Variants in RABL3 observed in about 807,000 individuals in gnomAD.
RABL3 encodes the protein rab-like protein 3.
A neutral mutation model predicts 31.8 loss-of-function variants in RABL3; 31 were observed. The ratio of observed to expected loss-of-function variants is 0.97; its 90% CI spans 0.73 to 1.31. The LOEUF is 1.31. RABL3 is among the 40% of genes most tolerant of loss of function. The pLI, the probability that RABL3 is intolerant of heterozygous loss-of-function variation, is 0.00. For synonymous variants in RABL3, 97 were observed against 99.9 expected, an observed-to-expected ratio of 0.97 and a Z score of 0.18; for missense variants, 263 against 279.6, an observed-to-expected ratio of 0.94 and a Z score of 0.42.
rs539439785 is a variant in RABL3, at chr3:120,689,570, C to T, written c.*253G>A. 2.9e-6 allele frequency: 1 copy of T among 345,802 alleles called. No homozygotes were observed. The highest frequency in any genetic ancestry group is 2.1e-5 in the African/African-American group (1 of 47,998). 21.4% of individuals were successfully genotyped at this position (345,802 alleles called of 1,614,324 possible). A position where few individuals can be genotyped will look rare whatever the true frequency, so the allele number is the denominator to read the frequency against. ...CTCATTTACTGCATCATTTTGACAA[C>T]ATCTCATATTTACACAAGGCTTTTA... On this transcript the variant is annotated 3_prime_UTR_variant, in exon 8 of 8. Coordinates refer to ENST00000273375, the MANE Select transcript of RABL3 (RefSeq NM_173825.5).
chr3:120,688,494 A>G lies in RABL3; in HGVS notation c.*1329T>C, dbSNP rs1464983695. On this transcript the variant is annotated 3_prime_UTR_variant, in exon 8 of 8. Transcript: ENST00000273375. ...TCTTATTTTAATATCCTCTTGCAGCATACCTTGATTTCCAAGATACTTCTG... is the reference window on the plus strand; with the variant it reads ...TCTTATTTTAATATCCTCTTGCAGCGTACCTTGATTTCCAAGATACTTCTG... 3.9e-5 allele frequency: 6 copies of G among 152,290 alleles called. No homozygotes were observed. Among genetic ancestry groups the G allele is most frequent in the Admixed American group, 3.9e-4 (6 of 15,282 alleles). The allele number at this position is 152,290 out of a possible 1,614,324, so 9.4% of individuals were successfully genotyped here.
chr3:120,740,827 C>T (rs1709032336), intron 1 of RABL3, among the ~76,000 whole-genome samples: 1 of 152,228 alleles, frequency 6.6e-6, no homozygotes, highest in Non-Finnish European at 1.5e-5. Context: ...TCCTGGCCAT[C>T]ACAGCTGTGT....
rs1708348753 is a variant in RABL3, at chr3:120,689,050, T to C, written c.*773A>G. On this transcript the variant is annotated 3_prime_UTR_variant, in exon 8 of 8. Transcript: ENST00000273375. ...TCTCTCACTGCCCTTGTGCAGGTCT[T>C]AGATTTTACCCTACCTATTTCCAAA... The C allele has an allele frequency of 6.6e-6, 1 of 152,184 alleles. No individual in the cohort carries two copies. Among genetic ancestry groups the C allele is most frequent in the African/African-American group, 2.4e-5 (1 of 41,436 alleles). The allele number at this position is 152,184 out of a possible 1,614,324, so 9.4% of individuals were successfully genotyped here. A position where few individuals can be genotyped will look rare whatever the true frequency, so the allele number is the denominator to read the frequency against.
chr3:120,702,025 A>T (rs1233688479), intron 4 of RABL3, among the ~76,000 whole-genome samples: 2 of 152,218 alleles, frequency 1.3e-5, no homozygotes, highest in African/African-American at 4.8e-5. Context: ...AAAACCCAAA[A>T]GTGTGAACAG....
In RABL3 at chr3:120,723,874, T is replaced by C. The variant is rs1708781976; in HGVS notation, c.138+6822A>G. ...ATGGGCAAAAACTGGAAGCATTCCC[T>C]TTGAAAACTGGCACAAGACAGGGAT... On this transcript the variant is annotated intron_variant, in intron 2 of 7. Coordinates refer to ENST00000273375, the MANE Select transcript of RABL3 (RefSeq NM_173825.5). Among the ~76,000 whole-genome samples the C allele has an allele frequency of 2.0e-5, 3 of 151,992 alleles. No individual in the cohort carries two copies. In the South Asian group the frequency reaches 6.2e-4, roughly 32 times the overall value.
At position 120,730,762 on chromosome 3, in the gene RABL3, A is replaced by G. The variant is rs1230096230; in HGVS notation, c.72T>C (p.His24=). ...DSGVGKSSLV[H]LLCQNQVLGN... The stretch of plus-strand genomic sequence containing the variant: ...CCAGCACTTGATTTTGGCATAGGAG[A>G]TGGACTAACGAAGATTTCCCAACAC... Residue 24 remains histidine (H), a synonymous_variant, in exon 2 of 8, where the codon CAT becomes CAC. Coordinates refer to ENST00000273375, the MANE Select transcript of RABL3 (RefSeq NM_173825.5). 6.2e-7 allele frequency: 1 copy of G among 1,613,578 alleles called. No homozygotes were observed. The highest frequency in any genetic ancestry group is 1.3e-5 in the African/African-American group (1 of 74,918).
chr3:120,735,354 G>C (rs1708944722), intron 1 of RABL3, among the ~76,000 whole-genome samples: 1 of 152,160 alleles, frequency 6.6e-6, no homozygotes, highest in Admixed American at 6.5e-5. Flanking sequence ...AGTATTCTCT[G>C]ATGGTAGTTT....
intron 1 of RABL3, 39 bp from the exon 2 acceptor site, chr3:120,730,826 A>T: frequency 7.3e-7 from 1 of 1,365,802 alleles, no homozygotes; most frequent in Non-Finnish European, 1.0e-6. Flanking sequence ...ATAAGAGACA[A>T]GGCTGAAATC....
intron 4 of RABL3, among the ~76,000 whole-genome samples, chr3:120,701,041 C>G (rs771049825): frequency 1.3e-5 from 2 of 152,038 alleles, no homozygotes; most frequent in African/African-American, 2.4e-5. Flanking sequence ...CCCCTGGCCC[C>G]CTATAGGTTA....
Position 120,698,533 on chromosome 3 carries a change from GTGGTATT to G in RABL3, c.417_423del (p.Gln139HisfsTer4). ...TCCAGTTTAGTCCCTATTACCAACA[GTGGTATT>G]TGGTTATCAGCAAACTGTTCTTGAT... On this transcript the variant is annotated frameshift_variant, in exon 5 of 8. Transcript: ENST00000273375. LOFTEE classifies it high-confidence loss of function. 1.2e-6 allele frequency: 2 copies of G among 1,612,808 alleles called. No homozygotes were observed. Among genetic ancestry groups the G allele is most frequent in the South Asian group, 2.2e-5 (2 of 90,964 alleles).
At chr3:120,726,114 C>T (rs980752859) in intron 2 of RABL3, among the ~76,000 whole-genome samples, 3 of 152,072 alleles carry the variant, frequency 2.0e-5, no homozygotes, top group African/African-American at 7.2e-5. Flanking sequence ...CCATGTCTGG[C>T]CTACTCAACA....
chr3:120,741,442 C>A (rs1408840512), intron 1 of RABL3, among the ~76,000 whole-genome samples: 1 of 152,216 alleles, frequency 6.6e-6, no homozygotes, highest in Non-Finnish European at 1.5e-5. Context: ...AGCCTCTCCA[C>A]CTCCAAGCAT....
At chr3:120,696,112 TACAATAAGCCTA>T (rs1708432820) in intron 5 of RABL3, among the ~76,000 whole-genome samples, 1 of 152,196 alleles carries the variant, frequency 6.6e-6, no homozygotes, top group Non-Finnish European at 1.5e-5. Flanking sequence ...TTTTACAGGG[TACAATAAGCCTA>T]ACAGGATTTT....
At chr3:120,731,182 T>A (rs753232614) in intron 1 of RABL3, among the ~76,000 whole-genome samples, 20 of 152,208 alleles carry the variant, frequency 1.3e-4, no homozygotes, top group Admixed American at 3.9e-4. Flanking sequence ...ATTTAATCAA[T>A]TTAGCCTATT....
At chr3:120,727,052 A>G (rs1052400632) in intron 2 of RABL3, among the ~76,000 whole-genome samples, 2 of 152,172 alleles carry the variant, frequency 1.3e-5, no homozygotes, top group African/African-American at 4.8e-5. Context: ...TAGAAATTTT[A>G]GAGTCTTAGA....
At chr3:120,709,210 A>G (rs1708584318) in intron 3 of RABL3, among the ~76,000 whole-genome samples, 1 of 152,116 alleles carries the variant, frequency 6.6e-6, no homozygotes, top group South Asian at 2.1e-4. Flanking sequence ...GACACAGAGT[A>G]GGTACTCTAT....
At chr3:120,709,941 T>C (rs1478574139) in intron 2 of RABL3, 32 bp from the exon 3 acceptor site, 1 of 1,536,340 alleles carries the variant, frequency 6.5e-7, no homozygotes, top group Non-Finnish European at 8.9e-7. Context: ...ATAATTAATA[T>C]AGCCACTAAA....
At chr3:120,698,868 A>C (rs924684288) in intron 4 of RABL3, among the ~76,000 whole-genome samples, 3 of 152,230 alleles carry the variant, frequency 2.0e-5, no homozygotes, top group African/African-American at 7.2e-5. Flanking sequence ...AGTATATTAC[A>C]GTCAGTGGAC....
At chr3:120,724,114 A>T (rs1708785572) in intron 2 of RABL3, among the ~76,000 whole-genome samples, 1 of 152,220 alleles carries the variant, frequency 6.6e-6, no homozygotes, top group Non-Finnish European at 1.5e-5. Context: ...CAGGATACAA[A>T]ATCAATGTGC....
Sources: allele counts gnomAD v4.1 joint callset (sites outside exome capture counted in the v4.1 genomes callset), GRCh38; gene constraint gnomAD v4.1.1; transcripts MANE v1.5; gene names NCBI Gene and HGNC (gene_info 2026-07-23, HGNC 2026-07-21).